The following ZFAND3 variants were observed in gnomAD, a reference collection of about 807,000 sequenced individuals.
ZFAND3 encodes zinc finger AN1-type containing 3, also known as AN1-type zinc finger protein 3.
A neutral mutation model predicts 29.6 loss-of-function variants in ZFAND3; 10 were observed. That is an observed-to-expected ratio of 0.34 (90% CI 0.21 to 0.57). The LOEUF (loss-of-function observed/expected upper bound fraction) is 0.57. ZFAND3 is among the 20% of genes least tolerant of loss of function. The pLI, the probability that ZFAND3 is intolerant of heterozygous loss-of-function variation, is 0.86. For missense variants in ZFAND3, 230 were observed against 304.5 expected, an observed-to-expected ratio of 0.76 and a Z score of 1.82; for synonymous variants, 128 against 112.6, an observed-to-expected ratio of 1.14 and a Z score of -0.87.
At chr6:37,875,993 G>C (rs1488359429) in intron 1 of ZFAND3, among the ~76,000 whole-genome samples, 3 of 151,992 alleles carry the variant, frequency 2.0e-5, no homozygotes, top group Admixed American at 2.0e-4. Context: ...TTTTATATTT[G>C]AACTTAGGAG....
At chr6:38,065,235 G>C (rs1480531056) in intron 3 of ZFAND3, among the ~76,000 whole-genome samples, 1 of 151,922 alleles carries the variant, frequency 6.6e-6, no homozygotes, top group Non-Finnish European at 1.5e-5. Context: ...GGAATCGCTT[G>C]AACCCGGGAG....
At chr6:38,014,703 A>G (rs1247204108) in intron 2 of ZFAND3, among the ~76,000 whole-genome samples, 1 of 152,086 alleles carries the variant, frequency 6.6e-6, no homozygotes, top group Non-Finnish European at 1.5e-5. Flanking sequence ...CTTTTCATTC[A>G]TGTTGCTGTT....
At chr6:37,946,113 T>C (rs1179347256) in intron 2 of ZFAND3, among the ~76,000 whole-genome samples, 1 of 152,162 alleles carries the variant, frequency 6.6e-6, no homozygotes, top group Non-Finnish European at 1.5e-5. Context: ...AGGGTATTCA[T>C]TGTGGAGGTT....
chr6:37,843,462 G>A (rs939918736), intron 1 of ZFAND3, among the ~76,000 whole-genome samples: 8 of 151,890 alleles, frequency 5.3e-5, no homozygotes, highest in Non-Finnish European at 1.2e-4. Flanking sequence ...ACTCCAGCCT[G>A]GGTGACAGAG....
intron 1 of ZFAND3, among the ~76,000 whole-genome samples, chr6:37,923,370 G>C (rs1407476141): frequency 1.3e-5 from 2 of 152,184 alleles, no homozygotes; most frequent in Non-Finnish European, 2.9e-5. Context: ...ACTGTCTTCT[G>C]CTTCCACATC....
At chr6:37,958,341 C>T (rs748979339) in intron 2 of ZFAND3, among the ~76,000 whole-genome samples, 17 of 150,580 alleles carry the variant, frequency 1.1e-4, no homozygotes, top group Non-Finnish European at 2.2e-4. Flanking sequence ...GTAACCCCAG[C>T]TCCTCGGGAG....
chr6:38,111,375 A>G (rs775945701), intron 4 of ZFAND3, among the ~76,000 whole-genome samples: 103 of 152,268 alleles, frequency 6.8e-4, no homozygotes, highest in African/African-American at 2.3e-3. Flanking sequence ...AACTATTTAC[A>G]TAGTGTTTAT....
chr6:38,136,066 G>A (rs991215660), intron 5 of ZFAND3, among the ~76,000 whole-genome samples: 1 of 152,204 alleles, frequency 6.6e-6, no homozygotes. Flanking sequence ...AAAAATGGAG[G>A]TGTGATGGTG....
chr6:38,065,159 T>A (rs1754874499), intron 3 of ZFAND3, among the ~76,000 whole-genome samples: 2 of 151,744 alleles, frequency 1.3e-5, no homozygotes, highest in African/African-American at 4.8e-5. Flanking sequence ...TCTACAAAAA[T>A]ACAAAAATTA....
intron 1 of ZFAND3, among the ~76,000 whole-genome samples, chr6:37,822,445 G>A (rs1226421266): frequency 6.6e-6 from 1 of 152,056 alleles, no homozygotes; most frequent in Non-Finnish European, 1.5e-5. Flanking sequence ...TGTTTCCATC[G>A]TATCACAACT....
intron 1 of ZFAND3, among the ~76,000 whole-genome samples, chr6:37,859,862 G>GTTTTTTT (rs55850662): frequency 7.5e-5 from 10 of 133,316 alleles, no homozygotes; most frequent in Non-Finnish European, 1.3e-4. Flanking sequence ...GCTGGAGTGG[G>GTTTTTTT]TTTTTTTTTT....
intron 1 of ZFAND3, among the ~76,000 whole-genome samples, chr6:37,860,115 C>A (rs191785151): frequency 2.0e-5 from 3 of 150,244 alleles, no homozygotes; most frequent in African/African-American, 7.3e-5. Context: ...AGGTGATCCA[C>A]CCGCCTCGGC....
At chr6:38,078,727 C>T (rs1764601550) in intron 3 of ZFAND3, among the ~76,000 whole-genome samples, 1 of 152,184 alleles carries the variant, frequency 6.6e-6, no homozygotes, top group East Asian at 1.9e-4. Context: ...GGTCAACACA[C>T]ACACATACGT....
chr6:37,915,429 C>G (rs1761229044), intron 1 of ZFAND3: 1 of 152,194 alleles, frequency 6.6e-6, no homozygotes, highest in Non-Finnish European at 1.5e-5. Context: ...TTCAACATGC[C>G]TTTCTCACTA....
chr6:37,984,953 A>G (rs992967021), intron 2 of ZFAND3, among the ~76,000 whole-genome samples: 5 of 152,240 alleles, frequency 3.3e-5, no homozygotes, highest in Non-Finnish European at 5.9e-5. Flanking sequence ...GCAGTCTCAA[A>G]AAGTTGAATG....
At chr6:37,998,009 T>C (rs1762880672) in intron 2 of ZFAND3, among the ~76,000 whole-genome samples, 1 of 152,202 alleles carries the variant, frequency 6.6e-6, no homozygotes, top group South Asian at 2.1e-4. Context: ...CAGAAAAACC[T>C]GCATATGAAT....
rs539821423 is a variant in ZFAND3, at chr6:37,922,414, C to A, written c.72-7545C>A. Reference sequence around the variant, plus strand: ...ACATGTTTTTGAAGAATATTTAAGGCGTGATAAATATTAAATGTAAATGTA... The same window carrying A: ...ACATGTTTTTGAAGAATATTTAAGGAGTGATAAATATTAAATGTAAATGTA... On this transcript the variant is annotated intron_variant, in intron 1 of 5. Transcript: ENST00000287218. Among the ~76,000 whole-genome samples, 4 of 151,780 alleles carry A rather than the reference C, an allele frequency of 2.6e-5. No individual in the cohort carries two copies. The South Asian group carries it at 8.3e-4, about 32-fold the overall frequency.
chr6:37,854,965 T>TG (rs1764352250), intron 1 of ZFAND3, among the ~76,000 whole-genome samples: 1 of 38,142 alleles, frequency 2.6e-5, no homozygotes, highest in Admixed American at 2.4e-4. Flanking sequence ...ATAATAGGTG[T>TG]TTTTTTTTTT....
chr6:38,061,510 A>G (rs1414940718), intron 2 of ZFAND3, 83 bp from the exon 3 acceptor site: 2 of 1,523,518 alleles, frequency 1.3e-6, no homozygotes, highest in East Asian at 4.6e-5. Flanking sequence ...TGTTGCATTT[A>G]ATTTTTGTAC....
Sources: gnomAD v4.1 joint callset for allele counts (sites outside exome capture counted in the v4.1 genomes callset) on GRCh38, gnomAD v4.1.1 for gene constraint, MANE v1.5 for transcripts, NCBI Gene and HGNC (gene_info 2026-07-23, HGNC 2026-07-21) for gene names.